Variants in WNK4 observed in about 807,000 individuals in gnomAD.
WNK4 encodes the protein serine/threonine-protein kinase WNK4.
A neutral mutation model predicts 116.2 loss-of-function variants in WNK4; 94 were observed. The observed-to-expected ratio is 0.81, with a 90% CI of 0.68 to 0.96. The LOEUF (loss-of-function observed/expected upper bound fraction) is 0.96. Among genes scored for constraint, WNK4 ranks in the 40% least tolerant of loss-of-function variants. The probability of loss-of-function intolerance (pLI) is 0.00; values close to 1 mark genes in which losing one functional copy is unlikely to be tolerated. For synonymous variants in WNK4, 655 were observed against 672.7 expected (o/e 0.97, Z 0.41); for missense variants, 1,542 against 1,650.6 (o/e 0.93, Z 1.14).
At chr17:42,790,333 G>T (rs753150206) in intron 11 of WNK4, among the ~76,000 whole-genome samples, 11 of 152,162 alleles carry the variant, frequency 7.2e-5, no homozygotes, top group South Asian at 4.1e-4. Flanking sequence ...AGGACAACTT[G>T]TAGGCCACCA....
chr17:42,785,177 G>A lies in WNK4; in HGVS notation c.1251G>A (p.Lys417=). Residue 417 remains lysine (K), a synonymous_variant, in exon 5 of 19, where the codon AAG becomes AAA. Coordinates refer to ENST00000246914, the MANE Select transcript of WNK4 (RefSeq NM_032387.5). The part of the protein sequence containing the change: ...EIIEGCIRTD[K]NERFTIQDLL... ...TTGAAGGCTGCATCCGCACGGATAA[G>A]AACGAGAGGTGGGGGTGAAAGGGCA... 4 of 1,613,860 alleles carry A rather than the reference G, an allele frequency of 2.5e-6. No individual in the cohort carries two copies. The highest frequency in any genetic ancestry group is 3.4e-6 in the Non-Finnish European group (4 of 1,179,918).
At chr17:42,787,232 A>G in intron 6 of WNK4, 46 bp from the exon 7 acceptor site, 2 of 1,610,700 alleles carry the variant, frequency 1.2e-6, no homozygotes, top group Non-Finnish European at 1.7e-6. Context: ...TGGATCTTTG[A>G]TAGGGGGTCC....
intron 15 of WNK4, 25 bp downstream of exon 15, chr17:42,795,546 C>G (rs184108126): frequency 6.2e-7 from 1 of 1,614,260 alleles, no homozygotes; most frequent in Non-Finnish European, 8.5e-7. Flanking sequence ...CACTGACCTT[C>G]CCCTGCCATT....
chr17:42,788,884 T>C lies in WNK4; in HGVS notation c.2157+87T>C, dbSNP rs937719218. 5 of 1,061,896 alleles carry C rather than the reference T, an allele frequency of 4.7e-6. No homozygotes were observed. The African/African-American group carries it at 7.8e-5, about 16-fold the overall frequency. 65.8% of individuals were successfully genotyped at this position (1,061,896 alleles called of 1,614,324 possible). A position where few individuals can be genotyped will look rare whatever the true frequency, so the allele number is the denominator to read the frequency against. ...GTCCGCTGGGGCTGAAACCCACTGATCCGACAGCAAGCATTTTTAAATCTC... is the reference window on the plus strand; with the variant it reads ...GTCCGCTGGGGCTGAAACCCACTGACCCGACAGCAAGCATTTTTAAATCTC... On this transcript the variant is annotated intron_variant, in intron 11 of 18. Transcript: ENST00000246914.
At chr17:42,787,139 G>A in intron 6 of WNK4, 139 bp from the exon 7 acceptor site, 1 of 1,247,444 alleles carries the variant, frequency 8.0e-7, no homozygotes, top group Non-Finnish European at 1.1e-6. Flanking sequence ...GTAAGGAGCT[G>A]CCAGTTAACA....
At chr17:42,790,241 A>G (rs1018701099) in intron 11 of WNK4, among the ~76,000 whole-genome samples, 3 of 152,214 alleles carry the variant, frequency 2.0e-5, no homozygotes, top group Non-Finnish European at 2.9e-5. Flanking sequence ...CTATTGACGT[A>G]GTAGAGAACA....
intron 1 of WNK4, 60 bp downstream of exon 1, chr17:42,781,376 A>G (rs2054481961): frequency 6.2e-7 from 1 of 1,610,362 alleles, no homozygotes; most frequent in Admixed American, 1.7e-5. Flanking sequence ...TCTTAGGATG[A>G]CAGACAGAGG....
chr17:42,794,321 G>A, intron 12 of WNK4: 1 of 499,906 alleles, frequency 2.0e-6, no homozygotes. Context: ...GATACCCTTT[G>A]CCCAGATTTG....
intron 11 of WNK4, among the ~76,000 whole-genome samples, chr17:42,791,102 C>T (rs904507698): frequency 6.6e-6 from 1 of 152,096 alleles, no homozygotes; most frequent in Non-Finnish European, 1.5e-5. Context: ...TTCAAGTCCC[C>T]TCTGATCCTG....
Position 42,795,889 on chromosome 17 carries a change from T to G in WNK4, c.3287T>G (p.Val1096Gly), listed in dbSNP as rs765436870. The stretch of plus-strand genomic sequence containing the variant: ...GGAGATGATGGGAAGGAACCCCAAG[T>G]TGGGGGCAGCCCCCAACCCCTGAGC... ...EEGDDGKEPQ[V>G]GGSPQPLSHP... The change falls in exon 16 of 19, where the codon GTT becomes GGT. Residue 1096 changes from valine (V) to glycine (G), a missense_variant. By Grantham distance (109) the Val-to-Gly change is moderately radical. Transcript: ENST00000246914. The G allele has an allele frequency of 3.7e-6, 6 of 1,611,488 alleles. No individual in the cohort carries two copies. Among genetic ancestry groups the G allele is most frequent in the Admixed American group, 3.3e-5 (2 of 59,898 alleles).
In WNK4 at chr17:42,795,156, C is replaced by T. The variant is rs1266058728; in HGVS notation, c.2735C>T (p.Thr912Ile). 2 of 1,614,090 alleles carry T rather than the reference C, an allele frequency of 1.2e-6. No homozygotes were observed. Among genetic ancestry groups the T allele is most frequent in the South Asian group, 1.1e-5 (1 of 91,076 alleles). ...CCTTTCTTTCCTCCGTGCCCCTCCA[C>T]TTCTTCCTTCCCCTCCACCACAGCA... Reference protein sequence around the residue: ...SSPFFPPCPSTSSFPSTTAAP... With the variant: ...SSPFFPPCPSISSFPSTTAAP... The change falls in exon 14 of 19, where the codon ACT becomes ATT. Residue 912 changes from threonine to isoleucine, a missense_variant. This residue lies in a region of WNK4 where 292 missense variants were observed against 290.1 expected (regional missense o/e 1.01). Transcript: ENST00000246914.
chr17:42,784,075 C>T lies in WNK4; in HGVS notation c.930C>T (p.Ile310=). 1 of 1,613,396 alleles carries T rather than the reference C, an allele frequency of 6.2e-7. No homozygotes were observed. Among genetic ancestry groups the T allele is most frequent in the Non-Finnish European group, 8.5e-7 (1 of 1,180,026 alleles). ...ATCTCAAGTGCGACAATGTCTTTAT[C>T]ACGGGACCTACTGGCTCTGTCAAAA... is the stretch of plus-strand genomic sequence containing the variant. The part of the protein sequence containing the change: ...HRDLKCDNVF[I]TGPTGSVKIG... Residue 310 remains isoleucine (I), a synonymous_variant, in exon 3 of 19, where the codon ATC becomes ATT. Coordinates refer to ENST00000246914, the MANE Select transcript of WNK4 (RefSeq NM_032387.5). This position sits in a 1 kb window ranked among gnomAD's most constrained non-coding sequence, Gnocchi z 4.4.
chr17:42,792,556 C>A (rs1365000652), intron 11 of WNK4, among the ~76,000 whole-genome samples: 10 of 152,234 alleles, frequency 6.6e-5, no homozygotes, highest in Non-Finnish European at 1.2e-4. Context: ...CCCATCCCCC[C>A]AACCCTGGAA....
rs1908468986 is a variant in WNK4 at position 42,781,143 on chromosome 17, G to A, written c.445G>A (p.Glu149Lys). 2 of 1,614,012 alleles carry A rather than the reference G, an allele frequency of 1.2e-6. No homozygotes were observed. Among genetic ancestry groups the A allele is most frequent in the South Asian group, 2.2e-5 (2 of 91,086 alleles). Reference protein sequence around the residue: ...PLRVPEAVALERRREQEEKED... With the variant: ...PLRVPEAVALKRRREQEEKED... ...AAGGGTCCCTGAAGCTGTGGCCCTAGAGCGGCGGCGGGAGCAGGAAGAAAA... is the reference window on the plus strand; with the variant it reads ...AAGGGTCCCTGAAGCTGTGGCCCTAAAGCGGCGGCGGGAGCAGGAAGAAAA... Residue 149 changes from glutamate to lysine, a missense_variant, in exon 1 of 19, where the codon GAG becomes AAG. Transcript: ENST00000246914.
chr17:42,781,696 T>A (rs773755774), intron 1 of WNK4, among the ~76,000 whole-genome samples: 4 of 152,150 alleles, frequency 2.6e-5, no homozygotes, highest in Non-Finnish European at 4.4e-5. Flanking sequence ...ATGACCCTGG[T>A]CCTCTTGATC....
chr17:42,796,427 TC>T, intron 17 of WNK4, 53 bp from the exon 18 acceptor site: 1 of 1,613,442 alleles, frequency 6.2e-7, no homozygotes, highest in South Asian at 1.1e-5. Flanking sequence ...AGACCCCCTC[TC>T]CCCACCTCCC....
intron 6 of WNK4, among the ~76,000 whole-genome samples, chr17:42,787,064 ATC>A (rs1052431710): frequency 2.0e-5 from 3 of 152,214 alleles, no homozygotes; most frequent in Non-Finnish European, 4.4e-5. Flanking sequence ...TACTTCATTA[ATC>A]TCTAAAAATC....
At chr17:42,785,689 T>A (rs1398824312) in intron 6 of WNK4, among the ~76,000 whole-genome samples, 1 of 152,210 alleles carries the variant, frequency 6.6e-6, no homozygotes, top group East Asian at 1.9e-4. Context: ...GAGGGAGCCC[T>A]GGGTCCTCCA....
In WNK4 at chr17:42,784,799, T is replaced by G. The variant is rs1040612773; in HGVS notation, c.1170+220T>G. ...GGTGCTCCCAAGAGTTCACAAATGA[T>G]TTCGCATCCCATCTCTCATCCAATC... On this transcript the variant is annotated intron_variant, in intron 4 of 18. Coordinates refer to ENST00000246914, the MANE Select transcript of WNK4 (RefSeq NM_032387.5). The surrounding 1 kb of genome is among the most constrained non-coding windows in gnomAD (Gnocchi z 4.4). Among the ~76,000 whole-genome samples the G allele has an allele frequency of 2.0e-5, 3 of 152,060 alleles. No homozygotes were observed. The South Asian group carries it at 6.2e-4, about 31-fold the overall frequency.
Sources: allele counts gnomAD v4.1 joint callset (sites outside exome capture counted in the v4.1 genomes callset), GRCh38; gene constraint gnomAD v4.1.1; regional missense constraint gnomAD v4.1.1; non-coding constraint Gnocchi (gnomAD v3.1); transcripts MANE v1.5; gene names NCBI Gene and HGNC (gene_info 2026-07-23, HGNC 2026-07-21).